Variants in MTMR8 observed in about 807,000 individuals in gnomAD.
MTMR8 encodes myotubularin related protein 8, also known as phosphatidylinositol-3,5-bisphosphate 3-phosphatase MTMR8.
Under a neutral mutation model 39.3 loss-of-function variants are expected in MTMR8, and 65 were observed. The observed-to-expected ratio is 1.65, with a 90% CI of 1.35 to 2.03. MTMR8 has a LOEUF of 2.03. Among genes scored for constraint, MTMR8 ranks in the 30% most tolerant of loss-of-function variants. The pLI is 0.00. For synonymous variants in MTMR8, 245 were observed against 185.2 expected (o/e 1.32, Z -2.62); for missense variants, 777 against 538.9 (o/e 1.44, Z -4.37).
intron 12 of MTMR8, among the ~76,000 whole-genome samples, chrX:64,271,715 AG>A (rs1338824606): frequency 8.9e-6 from 1 of 112,427 alleles, no homozygotes; most frequent in African/African-American, 3.2e-5. Context: ...GCCACCTGAA[AG>A]ACTGGCTTCT....
At chrX:64,389,756 AC>A (rs772286002) in intron 1 of MTMR8, among the ~76,000 whole-genome samples, 1 of 112,134 alleles carries the variant, frequency 8.9e-6, no homozygotes, top group African/African-American at 3.2e-5. Flanking sequence ...GTTATAGAGC[AC>A]TTATAATGTG....
chrX:64,290,257 TTAAAAG>T (rs1172239086), intron 12 of MTMR8, among the ~76,000 whole-genome samples: 2 of 110,302 alleles, frequency 1.8e-5, no homozygotes, highest in African/African-American at 6.6e-5. Flanking sequence ...TTTACTACAC[TTAAAAG>T]TAAATTACTA....
chrX:64,313,587 T>A (rs1922377782), intron 12 of MTMR8, among the ~76,000 whole-genome samples: 2 of 112,633 alleles, frequency 1.8e-5, no homozygotes, highest in African/African-American at 6.4e-5. Context: ...TTTTGACGTG[T>A]CTTCCTTGCT....
At chrX:64,363,146 G>C (rs994549603) in intron 1 of MTMR8, among the ~76,000 whole-genome samples, 4 of 111,661 alleles carry the variant, frequency 3.6e-5, no homozygotes, top group African/African-American at 1.3e-4. Flanking sequence ...GATACGTGGG[G>C]ACCATTCGGA....
intron 12 of MTMR8, among the ~76,000 whole-genome samples, chrX:64,286,580 T>A (rs1921186499): frequency 8.9e-6 from 1 of 111,843 alleles, no homozygotes. Context: ...ACTGGCAAAC[T>A]GAATCCAGCA....
At chrX:64,394,848 G>C (rs1924780722) in intron 1 of MTMR8, among the ~76,000 whole-genome samples, 1 of 112,309 alleles carries the variant, frequency 8.9e-6, no homozygotes, top group South Asian at 3.7e-4. Context: ...GCATGCCGTG[G>C]AGCTGGAGCG....
intron 8 of MTMR8, among the ~76,000 whole-genome samples, chrX:64,340,575 G>T (rs1923188534): frequency 9.0e-6 from 1 of 111,508 alleles, no homozygotes; most frequent in South Asian, 3.8e-4. Flanking sequence ...TGTAATAGGG[G>T]TACAAGAAAA....
intron 13 of MTMR8, among the ~76,000 whole-genome samples, chrX:64,270,052 G>A (rs1931724041): frequency 9.1e-6 from 1 of 109,832 alleles, no homozygotes; most frequent in Admixed American, 9.7e-5. Context: ...TAAAAGAGGA[G>A]CCGTTAAGAA....
chrX:64,276,631 T>C (rs1388203591), intron 12 of MTMR8, among the ~76,000 whole-genome samples: 2 of 112,087 alleles, frequency 1.8e-5, no homozygotes, highest in East Asian at 2.8e-4. Context: ...TTGATTGCAC[T>C]GTGGTCTGAG....
chrX:64,333,576 C>T (rs887326647), intron 10 of MTMR8, among the ~76,000 whole-genome samples: 18 of 111,835 alleles, frequency 1.6e-4, no homozygotes, highest in Non-Finnish European at 3.0e-4. Context: ...TTTAATGTTT[C>T]TTTCTTCTCA....
At chrX:64,350,172 A>G (rs1036626512) in intron 4 of MTMR8, 102 bp from the exon 5 acceptor site, 1 of 434,783 alleles carries the variant, frequency 2.3e-6, no homozygotes, top group African/African-American at 2.8e-5. Flanking sequence ...AAAGCTGATA[A>G]ACTTGAGAAA....
intron 1 of MTMR8, among the ~76,000 whole-genome samples, chrX:64,380,616 T>C (rs757782244): frequency 8.9e-6 from 1 of 112,697 alleles, no homozygotes; most frequent in Admixed American, 9.4e-5. Flanking sequence ...TATTATACTT[T>C]AAGTTTTAGG....
chrX:64,377,470 C>T (rs1924300709), intron 1 of MTMR8, among the ~76,000 whole-genome samples: 2 of 112,593 alleles, frequency 1.8e-5, no homozygotes, highest in Admixed American at 9.4e-5. Context: ...GACATACAGT[C>T]AAAGGAGATT....
At chrX:64,321,344 A>G (rs751228591) in intron 12 of MTMR8, among the ~76,000 whole-genome samples, 1 of 112,303 alleles carries the variant, frequency 8.9e-6, no homozygotes, top group African/African-American at 3.2e-5. Flanking sequence ...CCTGGAGAAT[A>G]GTATCTCACC....
intron 1 of MTMR8, among the ~76,000 whole-genome samples, chrX:64,380,002 T>A (rs776957486): frequency 5.4e-5 from 6 of 111,462 alleles, no homozygotes; most frequent in Admixed American, 1.9e-4. Flanking sequence ...TAAAAACCTC[T>A]CAGCAAACTA....
intron 12 of MTMR8, among the ~76,000 whole-genome samples, chrX:64,309,938 C>G (rs912828552): frequency 8.9e-6 from 1 of 111,919 alleles, no homozygotes; most frequent in Non-Finnish European, 1.9e-5. Context: ...CTTGCCTCGA[C>G]GTTGATGGCT....
chrX:64,354,351 G>A (rs184260666), intron 4 of MTMR8, among the ~76,000 whole-genome samples: 48 of 111,089 alleles, frequency 4.3e-4, no homozygotes, highest in Non-Finnish European at 4.5e-4. Context: ...TACTTGTGGT[G>A]ATGGATACCC....
At chrX:64,317,127 A>C (rs1922491333) in intron 12 of MTMR8, among the ~76,000 whole-genome samples, 1 of 110,395 alleles carries the variant, frequency 9.1e-6, no homozygotes, top group African/African-American at 3.3e-5. Context: ...AAAAAAAAAA[A>C]AAGAATATTT....
chrX:64,290,817 C>T, intron 12 of MTMR8, among the ~76,000 whole-genome samples: 1 of 112,179 alleles, frequency 8.9e-6, no homozygotes, highest in Non-Finnish European at 1.9e-5. Flanking sequence ...GAGCAGTATT[C>T]CATGGTACAG....
Sources: gnomAD v4.1 joint callset for allele counts (sites outside exome capture counted in the v4.1 genomes callset) on GRCh38, gnomAD v4.1.1 for gene constraint, MANE v1.5 for transcripts, NCBI Gene and HGNC (gene_info 2026-07-23, HGNC 2026-07-21) for gene names.